The following TJAP1 variants were observed in gnomAD, a reference collection of about 807,000 sequenced individuals.
TJAP1 encodes tight junction associated protein 1, also known as tight junction-associated protein 1.
TJAP1 carries 27 observed loss-of-function variants against 42.0 expected under a neutral mutation model. The ratio of observed to expected loss-of-function variants is 0.64; its 90% CI spans 0.47 to 0.89. The LOEUF (loss-of-function observed/expected upper bound fraction) is 0.89, where lower values mean the gene tolerates loss of function less well. Ranked by LOEUF, TJAP1 falls within the 40% of genes least tolerant of loss-of-function variation. The pLI is 0.00. For synonymous variants in TJAP1, 257 were observed against 288.4 expected, an observed-to-expected ratio of 0.89 and a Z score of 1.10; for missense variants, 712 against 726.9, an observed-to-expected ratio of 0.98 and a Z score of 0.24.
chr6:43,505,712 G>A lies in TJAP1; in HGVS notation c.1531G>A (p.Gly511Ser). The A allele has an allele frequency of 6.3e-7, 1 of 1,583,680 alleles. No individual in the cohort carries two copies. Among genetic ancestry groups the A allele is most frequent in the South Asian group, 1.1e-5 (1 of 87,722 alleles). ...TAACAGGGGCACAGAGGAGGGGCCA[G>A]GCACTTCCCACACCGAGGGCAGGGC... The change falls in exon 11 of 11, where the codon GGC becomes AGC. Residue 511 changes from glycine to serine, a missense_variant. Coordinates refer to ENST00000372449, the Ensembl canonical transcript of TJAP1. This position sits in a 1 kb window ranked among gnomAD's most constrained non-coding sequence, Gnocchi z 5.5.
intron 4 of TJAP1, 130 bp downstream of exon 4, chr6:43,499,230 T>G (rs1789954471): frequency 1.4e-6 from 2 of 1,406,822 alleles, no homozygotes; most frequent in African/African-American, 1.4e-5. Context: ...GTTGCAGGCC[T>G]GAGGTCTCCT....
chr6:43,486,165 A>T (rs1003326727), intron 2 of TJAP1, among the ~76,000 whole-genome samples: 3 of 151,174 alleles, frequency 2.0e-5, no homozygotes, highest in African/African-American at 7.3e-5. Flanking sequence ...GGGTTTCGCC[A>T]TTTTGGCCAG....
chr6:43,502,053 C>G (rs1299370871), intron 6 of TJAP1, among the ~76,000 whole-genome samples: 1 of 113,166 alleles, frequency 8.8e-6, no homozygotes, highest in Non-Finnish European at 1.8e-5. Context: ...CGGGGACACA[C>G]ACACACACAC....
chr6:43,502,750 C>T (rs1045776465), intron 8 of TJAP1, 133 bp downstream of exon 8: 15 of 1,020,090 alleles, frequency 1.5e-5, no homozygotes, highest in South Asian at 6.8e-5. Flanking sequence ...GTATGAGGCC[C>T]GTTTAACTGT....
Position 43,504,753 on chromosome 6 carries a change from T to C in TJAP1, c.580-8T>C. 1 of 1,606,086 alleles carries C rather than the reference T, an allele frequency of 6.2e-7. No individual in the cohort carries two copies. The highest frequency in any genetic ancestry group is 1.3e-5 in the African/African-American group (1 of 74,832). The stretch of plus-strand genomic sequence containing the variant: ...TTGATGTCTCTCTTTCCTGCTCTTT[T>C]ACCTCAGCTGCCCTGTGAGCTACAG... On this transcript the variant is annotated splice_polypyrimidine_tract_variant and splice_region_variant and intron_variant, in intron 10 of 10. Coordinates refer to ENST00000372449, the Ensembl canonical transcript of TJAP1.
chr6:43,502,076 A>ACACACACACACTCTCT lies in TJAP1; in HGVS notation c.291-206_291-205insACACACACACTCTCTC, dbSNP rs767085594. On this transcript the variant is annotated intron_variant, in intron 6 of 10. Transcript: ENST00000372449. The stretch of plus-strand genomic sequence containing the variant: ...CACACACACACACACACACACACAC[A>ACACACACACACTCTCT]CTCTCTCTCTCTCTCTCTCTCTCTC... Among the ~76,000 whole-genome samples, 7 of 68,956 alleles carry ACACACACACACTCTCT rather than the reference A, an allele frequency of 1.0e-4. 1 individual carries two copies. Among genetic ancestry groups the ACACACACACACTCTCT allele is most frequent in the African/African-American group, 5.3e-4 (7 of 13,116 alleles). 45.2% of individuals were successfully genotyped at this position (68,956 alleles called of 152,430 possible). A position where few individuals can be genotyped will look rare whatever the true frequency, so the allele number is the denominator to read the frequency against.
intron 2 of TJAP1, among the ~76,000 whole-genome samples, chr6:43,488,248 T>G (rs1416560879): frequency 6.9e-6 from 1 of 144,952 alleles, no homozygotes; most frequent in Admixed American, 6.6e-5. Flanking sequence ...TCAGCTTTCT[T>G]TGTTGACTTA....
intron 2 of TJAP1, among the ~76,000 whole-genome samples, chr6:43,484,195 T>C (rs111483608): frequency 0.018 from 2,804 of 152,176 alleles, 35 homozygotes; most frequent in South Asian, 0.039. Context: ...CGGTGGCTCA[T>C]GCCTGTCAAT....
intron 4 of TJAP1, among the ~76,000 whole-genome samples, chr6:43,500,038 T>C (rs1790162482): frequency 6.6e-6 from 1 of 152,206 alleles, no homozygotes; most frequent in African/African-American, 2.4e-5. Context: ...GCCACCTACC[T>C]CCATTTTCTG....
In TJAP1 at chr6:43,501,711, C is replaced by G. The variant is rs866843005; in HGVS notation, c.290+24C>G. ...AGGTGTGGGAATGAGGGGCCAGACA[C>G]ACACACACACACACACACACACACA... On this transcript the variant is annotated intron_variant, in intron 6 of 10. Coordinates refer to ENST00000372449, the Ensembl canonical transcript of TJAP1. 87 of 57,930 alleles carry G rather than the reference C, an allele frequency of 1.5e-3. 1 individual carries two copies. The highest frequency in any genetic ancestry group is 6.2e-3 in the African/African-American group (72 of 11,666). The allele number at this position is 57,930 out of a possible 1,614,324, so 3.6% of individuals were successfully genotyped here.
intron 2 of TJAP1, among the ~76,000 whole-genome samples, chr6:43,486,330 T>G (rs913205375): frequency 6.8e-6 from 1 of 147,118 alleles, no homozygotes; most frequent in Non-Finnish European, 1.5e-5. Context: ...AGGAGGTGAG[T>G]ACGTACCAGT....
intron 2 of TJAP1, among the ~76,000 whole-genome samples, chr6:43,484,249 A>G (rs531665913): frequency 6.6e-6 from 1 of 152,244 alleles, no homozygotes; most frequent in South Asian, 2.1e-4. Flanking sequence ...ACCTGAGGTC[A>G]GGAGTTCGAG....
intron 2 of TJAP1, among the ~76,000 whole-genome samples, chr6:43,486,802 G>A (rs1375300635): frequency 6.6e-6 from 1 of 152,044 alleles, no homozygotes; most frequent in Non-Finnish European, 1.5e-5. Flanking sequence ...CCATCTAGGC[G>A]TACTCAGTGC....
chr6:43,479,983 GCGT>G (rs1439835259), intron 2 of TJAP1, among the ~76,000 whole-genome samples: 2 of 151,796 alleles, frequency 1.3e-5, no homozygotes, highest in Non-Finnish European at 2.9e-5. Flanking sequence ...AAGAAAAAAA[GCGT>G]CTCCAAAAAA....
intron 2 of TJAP1, among the ~76,000 whole-genome samples, chr6:43,493,564 G>A (rs986365816): frequency 7.9e-5 from 12 of 152,286 alleles, no homozygotes; most frequent in South Asian, 2.1e-4. Flanking sequence ...GGTGTTGAAG[G>A]GATGGCCTCA....
exon 11 of TJAP1, chr6:43,506,029 TTGAC>T (rs1330375046): frequency 9.4e-6 from 5 of 529,774 alleles, no homozygotes; most frequent in African/African-American, 5.8e-5. Context: ...GTCAGCTGCG[TTGAC>T]TGACTGCAGC....
chr6:43,496,292 T>A (rs774009664), intron 2 of TJAP1, among the ~76,000 whole-genome samples: 9 of 152,120 alleles, frequency 5.9e-5, no homozygotes, highest in Non-Finnish European at 1.3e-4. Flanking sequence ...CAGGTGGGTT[T>A]AGGACTTTCT....
chr6:43,489,687 A>G (rs1453928909), intron 2 of TJAP1: 1 of 152,208 alleles, frequency 6.6e-6, no homozygotes, highest in Non-Finnish European at 1.5e-5. Flanking sequence ...TCTGTTGACC[A>G]ACCAGAGAGG....
Position 43,505,082 on chromosome 6 carries a change from C to G in TJAP1, c.901C>G (p.Pro301Ala), listed in dbSNP as rs1381970684. 6.2e-7 allele frequency: 1 copy of G among 1,614,150 alleles called. No homozygotes were observed. The highest frequency in any genetic ancestry group is 1.1e-5 in the South Asian group (1 of 91,084). The change falls in exon 11 of 11, where the codon CCG becomes GCG. Residue 301 changes from proline to alanine, a missense_variant. Transcript: ENST00000372449. The surrounding 1 kb of genome is among the most constrained non-coding windows in gnomAD (Gnocchi z 5.5). ...CTCTCTGGGTACTGCCAGGGGCTCC[C>G]CGGAGGAAGAGCTGCCCCTGCCAGC...
Sources: gnomAD v4.1 joint callset for allele counts (sites outside exome capture counted in the v4.1 genomes callset) on GRCh38, gnomAD v4.1.1 for gene constraint, Gnocchi (gnomAD v3.1) non-coding constraint, MANE v1.5 for transcripts, NCBI Gene and HGNC (gene_info 2026-07-23, HGNC 2026-07-21) for gene names.